Variants in LRCH1 observed in about 807,000 individuals in gnomAD.
LRCH1 encodes the protein leucine-rich repeat and calponin homology domain-containing protein 1.
LRCH1 carries 23 observed loss-of-function variants against 94.9 expected under a neutral mutation model. The ratio of observed to expected loss-of-function variants is 0.24; its 90% CI spans 0.17 to 0.34. The LOEUF is 0.34. Ranked by LOEUF, LRCH1 falls within the 10% of genes least tolerant of loss-of-function variation. The pLI is 1.00. For missense variants in LRCH1, 790 were observed against 945.9 expected (o/e 0.84, Z 2.16); for synonymous variants, 364 against 354.9 (o/e 1.03, Z -0.29).
At chr13:46,575,750 C>A (rs373494328) in intron 1 of LRCH1, among the ~76,000 whole-genome samples, 1 of 152,132 alleles carries the variant, frequency 6.6e-6, no homozygotes, top group Non-Finnish European at 1.5e-5. Flanking sequence ...GAAACCATTG[C>A]CTAATTTATA....
At chr13:46,622,027 C>T (rs112616190) in intron 1 of LRCH1, among the ~76,000 whole-genome samples, 5 of 152,200 alleles carry the variant, frequency 3.3e-5, no homozygotes, top group African/African-American at 1.2e-4. Context: ...ATTATTCTTC[C>T]TTATGTAATA....
At position 46,590,927 on chromosome 13, in the gene LRCH1, G is replaced by A. The variant is rs571714642; in HGVS notation, c.307+37224G>A. Among the ~76,000 whole-genome samples the A allele has an allele frequency of 5.9e-5, 9 of 151,858 alleles. No homozygotes were observed. In the South Asian group the frequency reaches 1.9e-3, roughly 32 times the overall value. ...TTTTTCTTTTCGATTTCTCTTTTAG[G>A]AGCTGAGATGTTTCTTCTCTGAACT... On this transcript the variant is annotated intron_variant, in intron 1 of 19. Transcript: ENST00000389797.
rs79493324 is a variant in LRCH1, at chr13:46,654,358, C to A, written c.452+4013C>A. ...CCTTTTCACGTCTTTTCTGCTCCTCCTGGATATTATTAAGTTAGCAAAATA... is the reference window on the plus strand; with the variant it reads ...CCTTTTCACGTCTTTTCTGCTCCTCATGGATATTATTAAGTTAGCAAAATA... On this transcript the variant is annotated intron_variant, in intron 2 of 19. Transcript: ENST00000389797. Among the ~76,000 whole-genome samples, 935 of 152,308 alleles carry A rather than the reference C, an allele frequency of 6.1e-3. 6 individuals are homozygous for A. The highest frequency in any genetic ancestry group is 0.021 in the African/African-American group (893 of 41,558).
intron 3 of LRCH1, among the ~76,000 whole-genome samples, chr13:46,670,462 C>G (rs2051583283): frequency 6.6e-6 from 1 of 152,186 alleles, no homozygotes; most frequent in African/African-American, 2.4e-5. Flanking sequence ...GGTAAAGCAC[C>G]TAGCAAGAGA....
chr13:46,605,781 C>G (rs2050680490), intron 1 of LRCH1, among the ~76,000 whole-genome samples: 1 of 152,070 alleles, frequency 6.6e-6, no homozygotes, highest in Non-Finnish European at 1.5e-5. Context: ...AAAAATGTTA[C>G]ATTTCTTGGT....
At chr13:46,680,297 C>T (rs993384928) in intron 3 of LRCH1, 1 of 152,158 alleles carries the variant, frequency 6.6e-6, no homozygotes, top group East Asian at 1.9e-4. Flanking sequence ...TGATCCCTTA[C>T]TTTATACTTG....
At chr13:46,646,057 A>C (rs549451577) in intron 1 of LRCH1, among the ~76,000 whole-genome samples, 127 of 152,334 alleles carry the variant, frequency 8.3e-4, no homozygotes, top group African/African-American at 3.0e-3. Flanking sequence ...CACTATGTCT[A>C]GTAAAGTGTT....
intron 1 of LRCH1, among the ~76,000 whole-genome samples, chr13:46,639,367 C>T (rs982372723): frequency 7.2e-5 from 11 of 152,060 alleles, no homozygotes; most frequent in African/African-American, 2.2e-4. Flanking sequence ...TTTGCATTTC[C>T]GAAATTACTC....
chr13:46,626,054 G>A (rs2050945098), intron 1 of LRCH1, among the ~76,000 whole-genome samples: 1 of 152,190 alleles, frequency 6.6e-6, no homozygotes, highest in African/African-American at 2.4e-5. Flanking sequence ...GTTATGTAAG[G>A]AGTTGTGGCG....
At position 46,741,983 on chromosome 13, in the gene LRCH1, C is replaced by G. The variant is rs1460098825; in HGVS notation, c.*135C>G. ...TTATCTCTCGAGTTTTGAAGCTGAA[C>G]AGTAGCAAATCAGATTTTCCAGAAG... On this transcript the variant is annotated 3_prime_UTR_variant, in exon 20 of 20. Transcript: ENST00000389797. 2 of 1,515,370 alleles carry G rather than the reference C, an allele frequency of 1.3e-6. No individual in the cohort carries two copies. The highest frequency in any genetic ancestry group is 2.8e-5 in the African/African-American group (2 of 71,916). 93.9% of individuals were successfully genotyped at this position (1,515,370 alleles called of 1,614,324 possible).
intron 2 of LRCH1, among the ~76,000 whole-genome samples, chr13:46,650,739 AAAAG>A (rs1426881210): frequency 7.3e-4 from 108 of 147,834 alleles, no homozygotes; most frequent in African/African-American, 2.5e-3. Flanking sequence ...AAAAAAAAAA[AAAAG>A]AGAAAGCCTG....
chr13:46,625,326 G>A (rs2050932396), intron 1 of LRCH1, among the ~76,000 whole-genome samples: 1 of 152,240 alleles, frequency 6.6e-6, no homozygotes, highest in Admixed American at 6.5e-5. Flanking sequence ...ACTATGGACT[G>A]CGTTTGTGTC....
At position 46,743,420 on chromosome 13, in the gene LRCH1, G is replaced by T. The variant is rs941907404; in HGVS notation, c.*1572G>T. ...CTTTGTGTTGATTGGTGAAATGCAG[G>T]GTATGTGGAAGTTATCTAATTAACC... is the stretch of plus-strand genomic sequence containing the variant. On this transcript the variant is annotated 3_prime_UTR_variant, in exon 20 of 20. Transcript: ENST00000389797. The T allele has an allele frequency of 1.0e-4, 100 of 985,558 alleles. No homozygotes were observed. Among genetic ancestry groups the T allele is most frequent in the Non-Finnish European group, 1.2e-4 (97 of 829,918 alleles). 61.1% of individuals were successfully genotyped at this position (985,558 alleles called of 1,614,324 possible).
In LRCH1 at chr13:46,553,386, C is replaced by T. The variant is rs537419567; in HGVS notation, c.-11C>T. 31 of 1,520,498 alleles carry T rather than the reference C, an allele frequency of 2.0e-5. No individual in the cohort carries two copies. Among genetic ancestry groups the T allele is most frequent in the Non-Finnish European group, 2.6e-5 (30 of 1,137,518 alleles). 94.2% of individuals were successfully genotyped at this position (1,520,498 alleles called of 1,614,324 possible). A position where few individuals can be genotyped will look rare whatever the true frequency, so the allele number is the denominator to read the frequency against. On this transcript the variant is annotated 5_prime_UTR_variant, in exon 1 of 20. Transcript: ENST00000389797. Reference sequence around the variant, plus strand: ...GGAGCGGCGGGGCGGGGTGGGGGGGCCCGGGAGAAGATGGCGACGCCGGGA... The same window carrying T: ...GGAGCGGCGGGGCGGGGTGGGGGGGTCCGGGAGAAGATGGCGACGCCGGGA...
At chr13:46,677,007 A>G (rs1364479817) in intron 3 of LRCH1, among the ~76,000 whole-genome samples, 1 of 152,096 alleles carries the variant, frequency 6.6e-6, no homozygotes, top group Non-Finnish European at 1.5e-5. Flanking sequence ...CTAAAACTCC[A>G]GAGCTCAAGC....
At chr13:46,590,469 A>C (rs2050486842) in intron 1 of LRCH1, among the ~76,000 whole-genome samples, 1 of 152,100 alleles carries the variant, frequency 6.6e-6, no homozygotes, top group African/African-American at 2.4e-5. Context: ...ACCCAATATA[A>C]TTCAGTGTTA....
chr13:46,751,645 C>T (rs963971601), exon 19 of LRCH1: 14 of 152,182 alleles, frequency 9.2e-5, no homozygotes, highest in Non-Finnish European at 1.6e-4. Flanking sequence ...GTGTTAGCAT[C>T]GTGTGTCTTG....
At chr13:46,570,571 T>C (rs574329140) in intron 1 of LRCH1, among the ~76,000 whole-genome samples, 10 of 152,366 alleles carry the variant, frequency 6.6e-5, no homozygotes, top group African/African-American at 1.7e-4. Flanking sequence ...TCTTACTCTC[T>C]GCATGGCCTA....
intron 1 of LRCH1, among the ~76,000 whole-genome samples, chr13:46,581,086 G>GA (rs1182306346): frequency 6.6e-6 from 1 of 152,182 alleles, no homozygotes; most frequent in Non-Finnish European, 1.5e-5. Context: ...CTTGGTTAAT[G>GA]AAATAAGGTA....
Sources: allele counts gnomAD v4.1 joint callset (sites outside exome capture counted in the v4.1 genomes callset), GRCh38; gene constraint gnomAD v4.1.1; transcripts MANE v1.5; gene names NCBI Gene and HGNC (gene_info 2026-07-23, HGNC 2026-07-21).